VEZF1: variants seen among roughly 807,000 people sequenced by gnomAD.
VEZF1 encodes the protein vascular endothelial zinc finger 1, also known as putative transcription factor DB1.
In VEZF1, 5 loss-of-function variants were observed where a neutral mutation model predicts 44.1. The ratio of observed to expected loss-of-function variants is 0.11; its 90% CI spans 0.06 to 0.24. VEZF1 has a LOEUF of 0.24. VEZF1 is among the 10% of genes least tolerant of loss of function. The pLI is 1.00. For synonymous variants in VEZF1, 236 were observed against 233.1 expected, an observed-to-expected ratio of 1.01 and a Z score of -0.11; for missense variants, 358 against 641.8, an observed-to-expected ratio of 0.56 and a Z score of 4.78.
intron 3 of VEZF1, 129 bp downstream of exon 3, chr17:57,981,744 C>T (rs924420520): frequency 1.5e-6 from 1 of 676,804 alleles, no homozygotes; most frequent in African/African-American, 1.9e-5. Flanking sequence ...AACTAGAAGT[C>T]AAATGGGCCA....
chr17:57,980,734 C>T lies in VEZF1; in HGVS notation c.845G>A (p.Arg282His), dbSNP rs763415815. The T allele has an allele frequency of 1.2e-6, 2 of 1,614,218 alleles. No homozygotes were observed. Among genetic ancestry groups the T allele is most frequent in the South Asian group, 1.1e-5 (1 of 91,090 alleles). Reference sequence around the variant, plus strand: ...GTTACATGATACCTTGCCTTCATGGCGCACCATGTGTGTCCGCAGTCTGTC... The same window carrying T: ...GTTACATGATACCTTGCCTTCATGGTGCACCATGTGTGTCCGCAGTCTGTC... ...TKDRLRTHMV[R>H]HEGKVSCNIC... The change falls in exon 4 of 6, where the codon CGC becomes CAC. Residue 282 changes from arginine (R) to histidine (H), a missense_variant. Arg to His is a conservative substitution (Grantham distance 29). Coordinates refer to ENST00000581208, the MANE Select transcript of VEZF1 (RefSeq NM_007146.3).
At chr17:57,978,352 A>G (rs1165390384) in intron 5 of VEZF1, among the ~76,000 whole-genome samples, 4 of 152,176 alleles carry the variant, frequency 2.6e-5, no homozygotes, top group African/African-American at 9.7e-5. Context: ...TTAACATAGT[A>G]AGACATTGTA....
At chr17:57,978,750 T>G (rs910674140) in intron 5 of VEZF1, among the ~76,000 whole-genome samples, 1 of 151,448 alleles carries the variant, frequency 6.6e-6, no homozygotes, top group Non-Finnish European at 1.5e-5. Context: ...TGTAAGAAAA[T>G]GAACTTATGT....
Position 57,974,287 on chromosome 17 carries a change from G to A in VEZF1, c.*186C>T. On this transcript the variant is annotated 3_prime_UTR_variant, in exon 6 of 6. Transcript: ENST00000581208. ...TCTGATTAAACTAAAGTGGTCCAGT[G>A]ATAAGTTACATACACACCCTACTTT... 1 of 667,852 alleles carries A rather than the reference G, an allele frequency of 1.5e-6. No homozygotes were observed. Among genetic ancestry groups the A allele is most frequent in the Admixed American group, 3.0e-5 (1 of 33,724 alleles). The allele number at this position is 667,852 out of a possible 1,614,324, so 41.4% of individuals were successfully genotyped here.
At chr17:57,985,550 T>TAGTCAAA (rs2075286852) in intron 1 of VEZF1, 3 of 693,338 alleles carry the variant, frequency 4.3e-6, no homozygotes, top group Non-Finnish European at 5.3e-6. Flanking sequence ...CTGGGTAGGC[T>TAGTCAAA]TTTATTTGAC....
intron 5 of VEZF1, among the ~76,000 whole-genome samples, chr17:57,976,768 C>A (rs1370365319): frequency 2.6e-5 from 4 of 152,088 alleles, no homozygotes; most frequent in Non-Finnish European, 5.9e-5. Context: ...ACAACCAAGT[C>A]TTATTGTGCA....
chr17:57,978,272 A>G (rs2075211813), intron 5 of VEZF1, among the ~76,000 whole-genome samples: 1 of 152,146 alleles, frequency 6.6e-6, no homozygotes, highest in Admixed American at 6.5e-5. Context: ...ATGAAAGCAA[A>G]AGATGGAAGA....
At chr17:57,977,144 T>C (rs2075199875) in intron 5 of VEZF1, among the ~76,000 whole-genome samples, 1 of 151,894 alleles carries the variant, frequency 6.6e-6, no homozygotes. Flanking sequence ...GAGATGGGGG[T>C]CTCAATCTGT....
intron 1 of VEZF1, among the ~76,000 whole-genome samples, chr17:57,987,366 G>A (rs1373612757): frequency 1.3e-5 from 2 of 152,084 alleles, no homozygotes; most frequent in African/African-American, 2.4e-5. Context: ...GGTGTCAGCT[G>A]CCAAGGCTCG....
Position 57,988,088 on chromosome 17 carries a change from G to T in VEZF1, c.24C>A (p.Phe8Leu), listed in dbSNP as rs2143394199. ...GGGGGGCCCCCAGTACCTGGAACAG[G>T]AACGCGGTCCAGTTGGCCTCCATGG... MEANWTA[F>L]LFQAHEASHH... The change falls in exon 1 of 6, where the codon TTC becomes TTA. Residue 8 changes from phenylalanine to leucine, a missense_variant. Around this residue, in one of 4 missense-constraint regions of VEZF1, gnomAD observed 22 missense variants for 17.3 expected, o/e 1.27. Transcript: ENST00000581208. 1 of 712,198 alleles carries T rather than the reference G, an allele frequency of 1.4e-6. No homozygotes were observed. The highest frequency in any genetic ancestry group is 1.8e-6 in the Non-Finnish European group (1 of 540,702). 44.1% of individuals were successfully genotyped at this position (712,198 alleles called of 1,614,324 possible). A position where few individuals can be genotyped will look rare whatever the true frequency, so the allele number is the denominator to read the frequency against.
chr17:57,980,501 G>C (rs2075239151), intron 4 of VEZF1, 102 bp downstream of exon 4: 1 of 1,164,890 alleles, frequency 8.6e-7, no homozygotes, highest in African/African-American at 1.5e-5. Context: ...GCAATAGGAG[G>C]AAACACGTAA....
At chr17:57,981,729 T>C (rs977952866) in intron 3 of VEZF1, 144 bp downstream of exon 3, 7 of 598,272 alleles carry the variant, frequency 1.2e-5, no homozygotes, top group Admixed American at 3.6e-5. Context: ...AGTTATATTT[T>C]ATAAAACTAG....
At position 57,980,685 on chromosome 17, in the gene VEZF1, T is replaced by C. The variant is rs555331230; in HGVS notation, c.894A>G (p.Ala298=). Reference sequence around the variant, plus strand: ...TCTTTAAGTGGCTGGTGATGTATGCTGCACTCAGGAGCTTCCCACAGATGT... The same window carrying C: ...TCTTTAAGTGGCTGGTGATGTATGCCGCACTCAGGAGCTTCCCACAGATGT... ...SCNICGKLLS[A]AYITSHLKTH... is the part of the protein sequence containing the mutation. Residue 298 remains alanine, a synonymous_variant, in exon 4 of 6, where the codon GCA becomes GCG. Coordinates refer to ENST00000581208, the MANE Select transcript of VEZF1 (RefSeq NM_007146.3). The C allele has an allele frequency of 2.5e-6, 4 of 1,614,126 alleles. No homozygotes were observed. The highest frequency in any genetic ancestry group is 3.4e-6 in the Non-Finnish European group (4 of 1,180,050).
In VEZF1 at chr17:57,973,536, GGAGA is replaced by G. The variant is rs749971091; in HGVS notation, c.*933_*936del. ...TTGTAATATCAACAGGCTCTGATTGGGAGAGAGAGGGGCATATCACATCCCAGTG... is the reference window on the plus strand; with the variant it reads ...TTGTAATATCAACAGGCTCTGATTGGGAGAGGGGCATATCACATCCCAGTG... On this transcript the variant is annotated 3_prime_UTR_variant, in exon 6 of 6. Coordinates refer to ENST00000581208, the MANE Select transcript of VEZF1 (RefSeq NM_007146.3). 1.3e-5 allele frequency: 2 copies of G among 152,480 alleles called. No homozygotes were observed. Among genetic ancestry groups the G allele is most frequent in the East Asian group, 1.9e-4 (1 of 5,200 alleles). 9.4% of individuals were successfully genotyped at this position (152,480 alleles called of 1,614,324 possible). A position where few individuals can be genotyped will look rare whatever the true frequency, so the allele number is the denominator to read the frequency against.
intron 1 of VEZF1, among the ~76,000 whole-genome samples, chr17:57,985,630 C>T (rs1017637626): frequency 6.6e-6 from 1 of 152,142 alleles, no homozygotes; most frequent in African/African-American, 2.4e-5. Context: ...TTAACCCTGC[C>T]CAAGCTTTCC....
rs2075162678 is a variant in VEZF1, at chr17:57,973,865, A to G, written c.*608T>C. ...CCTATTATACGTTGAAGTTAGAATG[A>G]TAAATTATCATATGCTTTGCATATC... On this transcript the variant is annotated 3_prime_UTR_variant, in exon 6 of 6. Coordinates refer to ENST00000581208, the MANE Select transcript of VEZF1 (RefSeq NM_007146.3). 6.5e-6 allele frequency: 1 copy of G among 154,584 alleles called. No homozygotes were observed. The highest frequency in any genetic ancestry group is 6.4e-5 in the Admixed American group (1 of 15,730). The allele number at this position is 154,584 out of a possible 1,614,324, so 9.6% of individuals were successfully genotyped here. A position where few individuals can be genotyped will look rare whatever the true frequency, so the allele number is the denominator to read the frequency against.
rs541973294 is a variant in VEZF1 at position 57,976,465 on chromosome 17, A to G, written c.1139-1565T>C. ...AAAACAAAGGACTCCAGGAGAATCA[A>G]TAGTGAAATTTAGATGGAACTTGGG... On this transcript the variant is annotated intron_variant, in intron 5 of 5. Coordinates refer to ENST00000581208, the MANE Select transcript of VEZF1 (RefSeq NM_007146.3). Among the ~76,000 whole-genome samples, 4 of 152,358 alleles carry G rather than the reference A, an allele frequency of 2.6e-5. 1 individual carries two copies. Among genetic ancestry groups the G allele is most frequent in the Admixed American group, 1.3e-4 (2 of 15,308 alleles).
At chr17:57,979,462 T>C in intron 4 of VEZF1, 149 bp from the exon 5 acceptor site, 1 of 1,185,126 alleles carries the variant, frequency 8.4e-7, no homozygotes, top group Non-Finnish European at 1.1e-6. Context: ...GTGTCTATAT[T>C]GGTCAAAATA....
chr17:57,972,831 G>T lies in VEZF1; in HGVS notation c.*1642C>A, dbSNP rs767687382. The T allele has an allele frequency of 2.6e-5, 4 of 152,404 alleles. No homozygotes were observed. The highest frequency in any genetic ancestry group is 6.5e-5 in the Admixed American group (1 of 15,268). 9.4% of individuals were successfully genotyped at this position (152,404 alleles called of 1,614,324 possible). ...TTTTACTATGTAGTTCAACCCCCTA[G>T]AACTGTTTTGTATAATGACACACAG... On this transcript the variant is annotated 3_prime_UTR_variant, in exon 6 of 6. Transcript: ENST00000581208.
Sources: allele counts gnomAD v4.1 joint callset (sites outside exome capture counted in the v4.1 genomes callset), GRCh38; gene constraint gnomAD v4.1.1; regional missense constraint gnomAD v4.1.1; transcripts MANE v1.5; gene names NCBI Gene and HGNC (gene_info 2026-07-23, HGNC 2026-07-21).